The following NDUFA8 variants were observed in gnomAD, a reference collection of about 807,000 sequenced individuals.
The protein encoded by NDUFA8 is NADH dehydrogenase [ubiquinone] 1 alpha subcomplex subunit 8.
Under a neutral mutation model 20.9 loss-of-function variants are expected in NDUFA8, and 16 were observed. The observed-to-expected ratio is 0.77, with a 90% CI of 0.52 to 1.16. The LOEUF is 1.16. Ranked by LOEUF, NDUFA8 falls within the 50% of genes most tolerant of loss-of-function variation. The pLI is 0.00. For synonymous variants in NDUFA8, 70 were observed against 76.1 expected (o/e 0.92, Z 0.41); for missense variants, 202 against 216.4 (o/e 0.93, Z 0.42).
downstream of NDUFA8, among the ~76,000 whole-genome samples, chr9:122,141,416 G>A (rs1828819605): frequency 6.6e-6 from 1 of 152,186 alleles, no homozygotes. Flanking sequence ...AAGTGACAGT[G>A]AGATAAAACA....
At chr9:122,147,995 TA>T in intron 3 of NDUFA8, 116 bp downstream of exon 3, 1 of 1,235,552 alleles carries the variant, frequency 8.1e-7, no homozygotes, top group Non-Finnish European at 1.2e-6. Context: ...ATATGTTTGG[TA>T]AATCTGGTAA....
chr9:122,159,114 G>A (rs1256702165), intron 1 of NDUFA8, among the ~76,000 whole-genome samples: 2 of 152,106 alleles, frequency 1.3e-5, no homozygotes, highest in Non-Finnish European at 2.9e-5. Context: ...TGCTTTAAAT[G>A]GGTCCTGTTA....
At chr9:122,136,609 C>T in the NDUFA8 span, among the ~76,000 whole-genome samples, 11 of 151,746 alleles carry the variant, frequency 7.2e-5, no homozygotes, top group African/African-American at 2.7e-4. Context: ...CAGGCTGGAG[C>T]GCAGTGGTGC....
chr9:122,156,444 T>TA (rs1294112651), intron 1 of NDUFA8, among the ~76,000 whole-genome samples: 1 of 152,226 alleles, frequency 6.6e-6, no homozygotes, highest in Non-Finnish European at 1.5e-5. Flanking sequence ...CAGAGAATAG[T>TA]ACTTAATAGA....
chr9:122,145,303 G>A (rs1356706745), intron 3 of NDUFA8, among the ~76,000 whole-genome samples: 1 of 152,196 alleles, frequency 6.6e-6, no homozygotes, highest in African/African-American at 2.4e-5. Context: ...CAATAAGCCA[G>A]GAGAGTGGTG....
chr9:122,134,543 G>A, the NDUFA8 span, among the ~76,000 whole-genome samples: 3 of 152,236 alleles, frequency 2.0e-5, no homozygotes, highest in South Asian at 6.2e-4. Flanking sequence ...TTCCACCATG[G>A]CCTTCTACAG....
chr9:122,134,901 G>A, the NDUFA8 span, among the ~76,000 whole-genome samples: 4 of 152,216 alleles, frequency 2.6e-5, no homozygotes, highest in East Asian at 1.9e-4. Context: ...ACGAGAGGGC[G>A]ACTGCCTGCT....
chr9:122,155,705 CT>C (rs974135350), intron 1 of NDUFA8, among the ~76,000 whole-genome samples: 1 of 152,074 alleles, frequency 6.6e-6, no homozygotes, highest in Non-Finnish European at 1.5e-5. Flanking sequence ...AACACTCAAA[CT>C]TTTTTAAAAG....
chr9:122,159,758 G>A lies in NDUFA8; in HGVS notation c.-81C>T. The A allele has an allele frequency of 1.3e-6, 2 of 1,599,532 alleles. No individual in the cohort carries two copies. Among genetic ancestry groups the A allele is most frequent in the Non-Finnish European group, 1.7e-6 (2 of 1,168,026 alleles). On this transcript the variant is annotated 5_prime_UTR_variant, in exon 1 of 4. Transcript: ENST00000373768. ...CTTGAACTCCCCTTTCGACCGCCGA[G>A]TGCCACACGGCGCCTGCGCATGCGC...
downstream of NDUFA8, among the ~76,000 whole-genome samples, chr9:122,140,457 A>G (rs374964746): frequency 4.6e-5 from 7 of 152,328 alleles, no homozygotes; most frequent in Admixed American, 3.9e-4. Context: ...ATGTAACCTC[A>G]AAGAGTTACT....
the NDUFA8 span, among the ~76,000 whole-genome samples, chr9:122,138,878 A>G: frequency 4.7e-5 from 5 of 107,512 alleles, no homozygotes; most frequent in East Asian, 1.3e-3. Context: ...GGGGGGGGCC[A>G]TCTGAGCAGA....
chr9:122,140,222 A>G (rs893462644), downstream of NDUFA8, among the ~76,000 whole-genome samples: 2 of 152,224 alleles, frequency 1.3e-5, no homozygotes, highest in African/African-American at 2.4e-5. Context: ...ATTTTTTAGA[A>G]GTAAATAAAT....
chr9:122,145,333 GGA>G (rs997971131), intron 3 of NDUFA8, among the ~76,000 whole-genome samples: 2 of 152,074 alleles, frequency 1.3e-5, no homozygotes, highest in Non-Finnish European at 2.9e-5. Context: ...ACTGCAACAG[GGA>G]GAGAGATAAT....
At chr9:122,150,629 C>T (rs61249479) in intron 2 of NDUFA8, among the ~76,000 whole-genome samples, 1 of 151,696 alleles carries the variant, frequency 6.6e-6, no homozygotes, top group African/African-American at 2.4e-5. Context: ...TGGTCAGGTA[C>T]GTTATGGTTG....
At chr9:122,139,660 A>T (rs1048357212), downstream of NDUFA8, among the ~76,000 whole-genome samples, 1 of 152,190 alleles carries the variant, frequency 6.6e-6, no homozygotes, top group Non-Finnish European at 1.5e-5. Flanking sequence ...TACTTATTAC[A>T]GCGCCTGTAT....
chr9:122,137,618 G>A, the NDUFA8 span, among the ~76,000 whole-genome samples: 1 of 152,110 alleles, frequency 6.6e-6, no homozygotes, highest in Non-Finnish European at 1.5e-5. Context: ...TGTCAGTGTG[G>A]GTGATCTATT....
chr9:122,152,241 T>C lies in NDUFA8; in HGVS notation c.215+4A>G. On this transcript the variant is annotated splice_donor_region_variant and intron_variant, in intron 2 of 3. Coordinates refer to ENST00000373768, the MANE Select transcript of NDUFA8 (RefSeq NM_014222.3). Reference sequence around the variant, plus strand: ...AAGTAGGCACTGATACCAAAGATTTTTACCTAAAGAAGTCCAAAGCACACT... The same window carrying C: ...AAGTAGGCACTGATACCAAAGATTTCTACCTAAAGAAGTCCAAAGCACACT... 6.2e-7 allele frequency: 1 copy of C among 1,614,174 alleles called. No homozygotes were observed. Among genetic ancestry groups the C allele is most frequent in the Non-Finnish European group, 8.5e-7 (1 of 1,180,028 alleles).
At chr9:122,145,360 TCC>T (rs1364840927) in intron 3 of NDUFA8, among the ~76,000 whole-genome samples, 1 of 152,102 alleles carries the variant, frequency 6.6e-6, no homozygotes, top group Non-Finnish European at 1.5e-5. Flanking sequence ...ACTCACAGTA[TCC>T]CCTGATGGTC....
intron 1 of NDUFA8, among the ~76,000 whole-genome samples, chr9:122,159,368 C>T (rs537943641): frequency 6.6e-6 from 1 of 152,218 alleles, no homozygotes; most frequent in South Asian, 2.1e-4. Context: ...CTATTATTCA[C>T]GGAAGGAGAA....
Sources: allele counts gnomAD v4.1 joint callset (sites outside exome capture counted in the v4.1 genomes callset), GRCh38; gene constraint gnomAD v4.1.1; transcripts MANE v1.5; gene names NCBI Gene and HGNC (gene_info 2026-07-23, HGNC 2026-07-21).